The following KCNIP4 variants were observed in gnomAD, a reference collection of about 807,000 sequenced individuals.
The protein encoded by KCNIP4 is Kv channel-interacting protein 4.
A neutral mutation model predicts 34.0 loss-of-function variants in KCNIP4; 12 were observed. The observed-to-expected ratio is 0.35, with a 90% CI of 0.23 to 0.57. The LOEUF (loss-of-function observed/expected upper bound fraction) is 0.57, where lower values mean the gene tolerates loss of function less well. Among genes scored for constraint, KCNIP4 ranks in the 20% least tolerant of loss-of-function variants. The probability of loss-of-function intolerance (pLI) is 0.83; values close to 1 mark genes in which losing one functional copy is unlikely to be tolerated. For missense variants in KCNIP4, 238 were observed against 311.7 expected (o/e 0.76, Z 1.78); for synonymous variants, 124 against 102.2 (o/e 1.21, Z -1.29).
chr4:20,856,094 T>A (rs1187160033), intron 2 of KCNIP4, among the ~76,000 whole-genome samples: 1 of 152,198 alleles, frequency 6.6e-6, no homozygotes, highest in Non-Finnish European at 1.5e-5. Flanking sequence ...CAATGGGTCC[T>A]GAGATAGAAA....
At chr4:21,847,113 C>T (rs1300057631) in intron 1 of KCNIP4, 2 of 152,088 alleles carry the variant, frequency 1.3e-5, no homozygotes, top group Admixed American at 6.6e-5. Flanking sequence ...ATCCACAGGT[C>T]CTGATGTTTC....
At chr4:21,661,476 C>T (rs778286529) in intron 1 of KCNIP4, among the ~76,000 whole-genome samples, 2 of 152,208 alleles carry the variant, frequency 1.3e-5, no homozygotes, top group Admixed American at 6.5e-5. Context: ...CACCTGCTCA[C>T]TTGTGTGCTC....
intron 1 of KCNIP4, chr4:21,464,799 A>C (rs1383942311): frequency 8.5e-5 from 13 of 152,310 alleles, no homozygotes; most frequent in Non-Finnish European, 5.9e-5. Flanking sequence ...ATACCAAAGC[A>C]GCAGAAATAC....
chr4:21,185,867 G>A (rs138039707), intron 1 of KCNIP4, among the ~76,000 whole-genome samples: 2 of 152,262 alleles, frequency 1.3e-5, no homozygotes, highest in East Asian at 3.9e-4. Context: ...AAAAATAATT[G>A]CCACTGCCTG....
intron 1 of KCNIP4, among the ~76,000 whole-genome samples, chr4:21,008,761 T>A (rs1738798935): frequency 6.6e-6 from 1 of 151,866 alleles, no homozygotes; most frequent in Admixed American, 6.6e-5. Context: ...CCTGATCTGG[T>A]GATCCGCCCG....
intron 3 of KCNIP4, among the ~76,000 whole-genome samples, chr4:20,763,481 T>C (rs1755113999): frequency 6.6e-6 from 1 of 152,126 alleles, no homozygotes; most frequent in African/African-American, 2.4e-5. Flanking sequence ...AAAGAGTACA[T>C]GGAAACTTTT....
At chr4:21,484,203 G>A (rs1731708499) in intron 1 of KCNIP4, among the ~76,000 whole-genome samples, 1 of 152,110 alleles carries the variant, frequency 6.6e-6, no homozygotes, top group Non-Finnish European at 1.5e-5. Context: ...GAGGTGGGCA[G>A]ATCGCCTGAG....
chr4:21,807,893 T>C (rs971051176), intron 1 of KCNIP4, among the ~76,000 whole-genome samples: 1 of 152,190 alleles, frequency 6.6e-6, no homozygotes, highest in Admixed American at 6.5e-5. Flanking sequence ...AAGTAATATA[T>C]ATGTAAAACT....
intron 1 of KCNIP4, among the ~76,000 whole-genome samples, chr4:21,199,119 C>T (rs1378860767): frequency 6.6e-6 from 1 of 152,170 alleles, no homozygotes; most frequent in Admixed American, 6.5e-5. Context: ...AATGGTATTT[C>T]AAGTTCGAGA....
intron 1 of KCNIP4, among the ~76,000 whole-genome samples, chr4:21,905,904 T>A (rs1180403241): frequency 6.6e-6 from 1 of 152,152 alleles, no homozygotes; most frequent in East Asian, 1.9e-4. Context: ...ACATTAGTAG[T>A]GAGCCATCAG....
At chr4:21,769,336 AG>A (rs1718626006) in intron 1 of KCNIP4, among the ~76,000 whole-genome samples, 1 of 152,006 alleles carries the variant, frequency 6.6e-6, no homozygotes, top group African/African-American at 2.4e-5. Context: ...TTTCTATTTT[AG>A]TGTTTGTATA....
At chr4:21,374,388 T>TA (rs762699011) in intron 1 of KCNIP4, among the ~76,000 whole-genome samples, 1 of 146,866 alleles carries the variant, frequency 6.8e-6, no homozygotes, top group Non-Finnish European at 1.5e-5. Context: ...TTTCCCCTTA[T>TA]AAAACCATCA....
At chr4:20,786,984 T>C (rs757323187) in intron 3 of KCNIP4, among the ~76,000 whole-genome samples, 28 of 152,168 alleles carry the variant, frequency 1.8e-4, no homozygotes, top group Non-Finnish European at 3.2e-4. Flanking sequence ...TTGTAAGCTG[T>C]AAGGTGCTCT....
At chr4:21,742,258 CTAA>C (rs1344513446) in intron 1 of KCNIP4, among the ~76,000 whole-genome samples, 1 of 152,090 alleles carries the variant, frequency 6.6e-6, no homozygotes, top group African/African-American at 2.4e-5. Flanking sequence ...GTCCCCAAAA[CTAA>C]TAGGATCCCT....
chr4:21,493,514 C>T (rs1732585375), intron 1 of KCNIP4, among the ~76,000 whole-genome samples: 1 of 152,192 alleles, frequency 6.6e-6, no homozygotes, highest in Non-Finnish European at 1.5e-5. Flanking sequence ...ACCACATAAA[C>T]TCCTACAAAC....
At chr4:21,801,966 T>TA (rs1215431393) in intron 1 of KCNIP4, among the ~76,000 whole-genome samples, 1 of 151,324 alleles carries the variant, frequency 6.6e-6, no homozygotes, top group Non-Finnish European at 1.5e-5. Flanking sequence ...ATTTTTTTTT[T>TA]AAAAAAGAAT....
intron 1 of KCNIP4, among the ~76,000 whole-genome samples, chr4:21,494,265 A>C (rs1174157226): frequency 6.6e-6 from 1 of 152,144 alleles, no homozygotes; most frequent in Non-Finnish European, 1.5e-5. Flanking sequence ...GGCTATATAA[A>C]TCCAAGATAA....
At chr4:21,555,203 G>A (rs1266647056) in intron 1 of KCNIP4, among the ~76,000 whole-genome samples, 1 of 152,104 alleles carries the variant, frequency 6.6e-6, no homozygotes, top group African/African-American at 2.4e-5. Flanking sequence ...GCATTAACCT[G>A]TCTGAGGTCA....
At chr4:20,837,438 A>C (rs1437700055) in intron 3 of KCNIP4, among the ~76,000 whole-genome samples, 1 of 151,990 alleles carries the variant, frequency 6.6e-6, no homozygotes, top group African/African-American at 2.4e-5. Context: ...ACACATTTAA[A>C]TGGGGATTGT....
Sources: allele counts gnomAD v4.1 joint callset (sites outside exome capture counted in the v4.1 genomes callset), GRCh38; gene constraint gnomAD v4.1.1; transcripts MANE v1.5; gene names NCBI Gene and HGNC (gene_info 2026-07-23, HGNC 2026-07-21).